The following PRKAR1B variants were observed in gnomAD, a reference collection of about 807,000 sequenced individuals.
PRKAR1B encodes protein kinase cAMP-dependent type I regulatory subunit beta, also known as cAMP-dependent protein kinase type I-beta regulatory subunit.
PRKAR1B carries 22 observed loss-of-function variants against 46.5 expected under a neutral mutation model. That is an observed-to-expected ratio of 0.47 (90% CI 0.34 to 0.68). PRKAR1B has a LOEUF of 0.68. PRKAR1B is among the 30% of genes least tolerant of loss of function. The pLI is 0.01. For synonymous variants in PRKAR1B, 259 were observed against 217.7 expected (o/e 1.19, Z -1.67); for missense variants, 445 against 535.6 (o/e 0.83, Z 1.67).
chr7:671,260 T>C (rs1208823497), intron 4 of PRKAR1B, among the ~76,000 whole-genome samples: 1 of 152,196 alleles, frequency 6.6e-6, no homozygotes, highest in Non-Finnish European at 1.5e-5. Context: ...GCCGGGCTTT[T>C]GATAAGCTCT....
chr7:688,171 C>T (rs1444309795), intron 2 of PRKAR1B, among the ~76,000 whole-genome samples: 1 of 149,666 alleles, frequency 6.7e-6, no homozygotes, highest in East Asian at 2.0e-4. Context: ...GAGGCCAAGG[C>T]GGGCGGATCA....
intron 8 of PRKAR1B, among the ~76,000 whole-genome samples, chr7:583,455 A>ACT (rs200178183): frequency 0.31 from 35,193 of 115,284 alleles, 6,348 homozygotes; most frequent in Non-Finnish European, 0.35. Context: ...ACTCACACCC[A>ACT]CTCACACACG....
chr7:678,891 G>A (rs1050783788), intron 3 of PRKAR1B, among the ~76,000 whole-genome samples: 1 of 152,124 alleles, frequency 6.6e-6, no homozygotes, highest in African/African-American at 2.4e-5. Flanking sequence ...TTCAAGACCC[G>A]CCTGGCCAAC....
chr7:661,972 A>G (rs1395211306), intron 4 of PRKAR1B, among the ~76,000 whole-genome samples: 5 of 89,200 alleles, frequency 5.6e-5, no homozygotes, highest in Non-Finnish European at 1.1e-4. Context: ...CCCCACCCCA[A>G]CGGGTCCAAA....
In PRKAR1B at chr7:634,021, ATAAATAAATTTTGTTTTTT is replaced by A. The variant is rs551851877; in HGVS notation, c.441-26588_441-26570del. On this transcript the variant is annotated intron_variant, in intron 4 of 10. Coordinates refer to ENST00000537384, the MANE Select transcript of PRKAR1B (RefSeq NM_001164760.2). ...TGAGACCCCATCTGTACAAGAAAAA[ATAAATAAATTTTGTTTTTT>A]TAAAGGGAGTCTAGTTCTGCCTCCC... 8.5e-5 allele frequency among the ~76,000 whole-genome samples: 13 copies of A among 152,210 alleles called. No homozygotes were observed. In the East Asian group the frequency reaches 2.3e-3, roughly 27 times the overall value.
chr7:631,384 C>T (rs1306134173), intron 4 of PRKAR1B, among the ~76,000 whole-genome samples: 1 of 152,234 alleles, frequency 6.6e-6, no homozygotes, highest in African/African-American at 2.4e-5. Context: ...CAGGCCCAGA[C>T]AGGGGTGGTC....
At chr7:694,413 G>A (rs554513717) in intron 2 of PRKAR1B, among the ~76,000 whole-genome samples, 6 of 151,928 alleles carry the variant, frequency 3.9e-5, no homozygotes, top group South Asian at 4.1e-4. Context: ...TCGTCTGGAC[G>A]CTCAGCTCCA....
chr7:649,807 C>A (rs1784799656), intron 4 of PRKAR1B, among the ~76,000 whole-genome samples: 1 of 151,802 alleles, frequency 6.6e-6, no homozygotes, highest in Admixed American at 6.6e-5. Flanking sequence ...CTGAAGCGAT[C>A]CCCCCATCTC....
intron 2 of PRKAR1B, among the ~76,000 whole-genome samples, chr7:698,672 G>A (rs1260048953): frequency 2.6e-5 from 4 of 151,924 alleles, no homozygotes; most frequent in Admixed American, 6.6e-5. Flanking sequence ...CACCACTCTC[G>A]GAGTAAACTG....
At chr7:702,915 T>C (rs981974650) in intron 2 of PRKAR1B, among the ~76,000 whole-genome samples, 2 of 151,806 alleles carry the variant, frequency 1.3e-5, no homozygotes, top group African/African-American at 4.8e-5. Context: ...GTACTACATA[T>C]ATAGTAATAA....
intron 9 of PRKAR1B, among the ~76,000 whole-genome samples, chr7:559,481 C>A (rs908572805): frequency 6.6e-6 from 1 of 152,142 alleles, no homozygotes; most frequent in Non-Finnish European, 1.5e-5. Flanking sequence ...GCAGGAGCCC[C>A]GAGTGGTGCA....
chr7:724,409 G>A (rs944415653), intron 1 of PRKAR1B, among the ~76,000 whole-genome samples: 1 of 152,128 alleles, frequency 6.6e-6, no homozygotes, highest in African/African-American at 2.4e-5. Flanking sequence ...GTTTTATAAG[G>A]GGGAGTTTCC....
intron 8 of PRKAR1B, among the ~76,000 whole-genome samples, chr7:579,922 C>A (rs1182270359): frequency 6.6e-6 from 1 of 151,808 alleles, no homozygotes; most frequent in Non-Finnish European, 1.5e-5. Context: ...CATAATGAGA[C>A]CCCATCTCTA....
intron 1 of PRKAR1B, among the ~76,000 whole-genome samples, chr7:726,346 C>G (rs1217536260): frequency 6.6e-6 from 1 of 152,194 alleles, no homozygotes. Context: ...CAAACAGGGG[C>G]TTCCCGGCTA....
At chr7:620,827 C>A (rs62432162) in intron 4 of PRKAR1B, among the ~76,000 whole-genome samples, 85,196 of 152,076 alleles carry the variant, frequency 0.56, 24,953 homozygotes, top group South Asian at 0.81. Flanking sequence ...CACAGTTAAA[C>A]CATGAAAGCC....
At chr7:683,976 C>A (rs1466156419) in intron 2 of PRKAR1B, among the ~76,000 whole-genome samples, 1 of 148,084 alleles carries the variant, frequency 6.8e-6, no homozygotes, top group Non-Finnish European at 1.5e-5. Flanking sequence ...TCTCCGTGTG[C>A]CAATGCCCAC....
At position 677,297 on chromosome 7, in the gene PRKAR1B, G is replaced by A. The variant is rs755151489; in HGVS notation, c.372C>T (p.Thr124=). The A allele has an allele frequency of 3.7e-6, 6 of 1,614,138 alleles. No homozygotes were observed. The African/African-American group carries it at 6.7e-5, about 18-fold the overall frequency. The change falls in exon 4 of 11, where the codon ACC becomes ACT. Residue 124 remains threonine, a synonymous_variant. Coordinates refer to ENST00000537384, the MANE Select transcript of PRKAR1B (RefSeq NM_001164760.2). ...AGATGGCCTTGGCCAGCGCAGTCAT[G>A]GTTTTGTAGTCCTTGGGAATCACCT... ...VRKVIPKDYK[T]MTALAKAISK...
chr7:565,537 A>G (rs1779076173), intron 9 of PRKAR1B: 1 of 152,236 alleles, frequency 6.6e-6, no homozygotes, highest in African/African-American at 2.4e-5. Context: ...GGCTATAAAT[A>G]TACGCCGGAC....
chr7:724,837 T>A (rs1448157531), intron 1 of PRKAR1B, among the ~76,000 whole-genome samples: 2 of 152,214 alleles, frequency 1.3e-5, no homozygotes, highest in African/African-American at 4.8e-5. Context: ...TCCCACATGT[T>A]GCAGACAGTG....
Sources: gnomAD v4.1 joint callset for allele counts (sites outside exome capture counted in the v4.1 genomes callset) on GRCh38, gnomAD v4.1.1 for gene constraint, MANE v1.5 for transcripts, NCBI Gene and HGNC (gene_info 2026-07-23, HGNC 2026-07-21) for gene names.